Variants in JAZF1 observed in about 807,000 individuals in gnomAD.
JAZF1 encodes the protein JAZF zinc finger 1.
Under a neutral mutation model 26.4 loss-of-function variants are expected in JAZF1, and 8 were observed. The observed-to-expected ratio is 0.30, with a 90% CI of 0.18 to 0.55. The LOEUF (loss-of-function observed/expected upper bound fraction) is 0.55, where lower values mean the gene tolerates loss of function less well. JAZF1 is among the 20% of genes least tolerant of loss of function. The pLI is 0.94. For missense variants in JAZF1, 199 were observed against 322.0 expected, an observed-to-expected ratio of 0.62 and a Z score of 2.92; for synonymous variants, 126 against 122.3, an observed-to-expected ratio of 1.03 and a Z score of -0.20.
At chr7:28,105,959 C>T (rs1201819596) in intron 1 of JAZF1, among the ~76,000 whole-genome samples, 1 of 152,112 alleles carries the variant, frequency 6.6e-6, no homozygotes, top group African/African-American at 2.4e-5. Flanking sequence ...CAACATATTC[C>T]CAAGAAAAAT....
intron 1 of JAZF1, among the ~76,000 whole-genome samples, chr7:28,115,276 G>A (rs1784724978): frequency 6.6e-6 from 1 of 152,124 alleles, no homozygotes; most frequent in African/African-American, 2.4e-5. Context: ...TAATAATATG[G>A]TTTAACCCCT....
At chr7:27,960,353 G>C (rs1785167162) in intron 2 of JAZF1, among the ~76,000 whole-genome samples, 1 of 152,212 alleles carries the variant, frequency 6.6e-6, no homozygotes, top group African/African-American at 2.4e-5. Context: ...TTCTTGCCAA[G>C]GGCACTACGT....
intron 1 of JAZF1, among the ~76,000 whole-genome samples, chr7:28,130,197 TACA>T (rs1782767864): frequency 1.3e-5 from 2 of 152,326 alleles, no homozygotes; most frequent in South Asian, 4.1e-4. Flanking sequence ...TGGATACATC[TACA>T]ATATATTCAT....
At chr7:28,000,659 T>C (rs1315742791) in intron 1 of JAZF1, among the ~76,000 whole-genome samples, 2 of 144,260 alleles carry the variant, frequency 1.4e-5, no homozygotes, top group Non-Finnish European at 3.0e-5. Context: ...AGTCTCACTC[T>C]ATCACCCAGG....
At chr7:28,057,278 T>G (rs1783727718) in intron 1 of JAZF1, among the ~76,000 whole-genome samples, 1 of 152,218 alleles carries the variant, frequency 6.6e-6, no homozygotes, top group Admixed American at 6.5e-5. Flanking sequence ...TTTTATGACC[T>G]TAACCTCTAT....
chr7:28,149,627 G>A (rs867107487), intron 1 of JAZF1, among the ~76,000 whole-genome samples: 13 of 152,172 alleles, frequency 8.5e-5, no homozygotes, highest in Admixed American at 2.0e-4. Flanking sequence ...CAATGGGAAA[G>A]CCTGAACCCA....
chr7:27,926,948 C>A (rs2128349129), intron 2 of JAZF1, among the ~76,000 whole-genome samples: 1 of 152,292 alleles, frequency 6.6e-6, no homozygotes, highest in East Asian at 1.9e-4. Context: ...GGGGATTAGA[C>A]CACATCACTG....
intron 2 of JAZF1, among the ~76,000 whole-genome samples, chr7:27,944,042 C>T (rs1311701513): frequency 4.6e-5 from 7 of 152,156 alleles, no homozygotes; most frequent in Non-Finnish European, 8.8e-5. Context: ...ATTCAAATTC[C>T]ACCTAAGTTT....
At chr7:28,180,442 G>T in intron 1 of JAZF1, 21 bp downstream of exon 1, 1 of 1,496,706 alleles carries the variant, frequency 6.7e-7, no homozygotes, top group African/African-American at 1.4e-5. Flanking sequence ...TGGCACCCCC[G>T]CCCACCCCCG....
chr7:27,861,158 C>T (rs376416829), intron 3 of JAZF1, among the ~76,000 whole-genome samples: 3 of 152,316 alleles, frequency 2.0e-5, no homozygotes, highest in South Asian at 2.1e-4. Flanking sequence ...TCCTGAGCTG[C>T]ACTAACTCCC....
At chr7:28,115,647 T>C (rs757075467) in intron 1 of JAZF1, among the ~76,000 whole-genome samples, 4 of 152,200 alleles carry the variant, frequency 2.6e-5, no homozygotes, top group African/African-American at 7.2e-5. Flanking sequence ...TTGTTTTGAA[T>C]AGGTAATACT....
chr7:28,061,673 G>A (rs888173990), intron 1 of JAZF1, among the ~76,000 whole-genome samples: 5 of 152,106 alleles, frequency 3.3e-5, no homozygotes, highest in African/African-American at 1.2e-4. Flanking sequence ...ATGAGATAGA[G>A]CTACACAAAT....
intron 2 of JAZF1, among the ~76,000 whole-genome samples, chr7:27,984,428 A>G (rs1361582004): frequency 2.0e-5 from 3 of 152,346 alleles, no homozygotes; most frequent in Admixed American, 1.3e-4. Flanking sequence ...TAGGCACCCA[A>G]TACAGGATCA....
intron 2 of JAZF1, among the ~76,000 whole-genome samples, chr7:27,941,499 C>T (rs534503047): frequency 6.6e-6 from 1 of 152,272 alleles, no homozygotes; most frequent in African/African-American, 2.4e-5. Flanking sequence ...AAAAATGCAA[C>T]CCTGAGTGCT....
chr7:27,865,057 G>A (rs907613834), intron 3 of JAZF1, among the ~76,000 whole-genome samples: 4 of 152,156 alleles, frequency 2.6e-5, no homozygotes, highest in African/African-American at 4.8e-5. Context: ...GAATGGAATA[G>A]AGAGTATCAG....
chr7:27,982,472 G>A (rs1401066450), intron 2 of JAZF1, among the ~76,000 whole-genome samples: 9 of 152,204 alleles, frequency 5.9e-5, no homozygotes, highest in Non-Finnish European at 1.3e-4. Context: ...CTCGGTGGAG[G>A]CCACCACAGC....
chr7:27,844,220 C>G (rs903152854), intron 3 of JAZF1: 10 of 152,240 alleles, frequency 6.6e-5, no homozygotes, highest in South Asian at 6.2e-4. Context: ...CGCTGTTAGT[C>G]TCCTTTCAAA....
chr7:27,849,335 A>G (rs896598863), intron 3 of JAZF1, among the ~76,000 whole-genome samples: 2 of 152,238 alleles, frequency 1.3e-5, no homozygotes, highest in African/African-American at 4.8e-5. Flanking sequence ...AGTCTTCCAA[A>G]GGCAAGGGAC....
At chr7:27,872,110 C>T (rs2128338098) in intron 3 of JAZF1, among the ~76,000 whole-genome samples, 1 of 152,318 alleles carries the variant, frequency 6.6e-6, no homozygotes, top group Admixed American at 6.5e-5. Context: ...CGCCAGCAAG[C>T]TCCATTCTCC....
Sources: gnomAD v4.1 joint callset for allele counts (sites outside exome capture counted in the v4.1 genomes callset) on GRCh38, gnomAD v4.1.1 for gene constraint, MANE v1.5 for transcripts, NCBI Gene and HGNC (gene_info 2026-07-23, HGNC 2026-07-21) for gene names.